The following DUSP15 variants were observed in gnomAD, a reference collection of about 807,000 sequenced individuals.
DUSP15 encodes the protein dual specificity protein phosphatase 15.
DUSP15 carries 23 observed loss-of-function variants against 26.3 expected under a neutral mutation model. The observed-to-expected ratio is 0.87, with a 90% CI of 0.63 to 1.24. The LOEUF (loss-of-function observed/expected upper bound fraction) is 1.24, where lower values mean the gene tolerates loss of function less well. Among genes scored for constraint, DUSP15 ranks in the 50% most tolerant of loss-of-function variants. The probability of loss-of-function intolerance (pLI) is 0.00; values close to 1 mark genes in which losing one functional copy is unlikely to be tolerated. For synonymous variants in DUSP15, 143 were observed against 135.5 expected (o/e 1.06, Z -0.39); for missense variants, 364 against 320.6 (o/e 1.14, Z -1.03).
intron 7 of DUSP15, among the ~76,000 whole-genome samples, chr20:31,850,205 A>G (rs1445314977): frequency 6.6e-6 from 1 of 152,174 alleles, no homozygotes; most frequent in Non-Finnish European, 1.5e-5. Context: ...AAATAACCAT[A>G]ACAGCGACAA....
downstream of DUSP15, chr20:31,845,698 C>T (rs117645329): frequency 3.4e-4 from 286 of 832,286 alleles, 2 homozygotes; most frequent in Non-Finnish European, 4.5e-4. Context: ...AGCCATCCTC[C>T]CCTCCTCCCT....
In DUSP15 at chr20:31,869,602, AG is replaced by A. The variant is rs1467772190; in HGVS notation, c.22-6del. On this transcript the variant is annotated splice_polypyrimidine_tract_variant and splice_region_variant and intron_variant, in intron 1 of 6. Coordinates refer to ENST00000339738, the MANE Select transcript of DUSP15 (RefSeq NM_080611.5). ...GAGGTAGAGTCCAGGAAGTACCTAG[AG>A]GAAGGACAGGCAAGGGTCAGTGGGG... is the stretch of plus-strand genomic sequence containing the variant. 3 of 1,613,622 alleles carry A rather than the reference AG, an allele frequency of 1.9e-6. No individual in the cohort carries two copies. The African/African-American group carries it at 4.0e-5, about 22-fold the overall frequency.
chr20:31,862,212 C>T (rs1460346258), intron 6 of DUSP15, among the ~76,000 whole-genome samples: 1 of 152,104 alleles, frequency 6.6e-6, no homozygotes, highest in Non-Finnish European at 1.5e-5. Flanking sequence ...CTGCTGTGGT[C>T]TCATCAAGGA....
At chr20:31,854,623 C>A (rs1295274118) in intron 6 of DUSP15, among the ~76,000 whole-genome samples, 1 of 151,988 alleles carries the variant, frequency 6.6e-6, no homozygotes, top group East Asian at 1.9e-4. Flanking sequence ...CTTGAAGGGT[C>A]AGTAGGAAGT....
At chr20:31,869,432 C>G (rs1406651900) in intron 2 of DUSP15, 132 bp downstream of exon 2, 1 of 1,262,062 alleles carries the variant, frequency 7.9e-7, no homozygotes, top group African/African-American at 1.5e-5. Context: ...AGCCTTTTCC[C>G]CCTCCCAGCC....
chr20:31,864,025 C>G (rs1038078058), intron 4 of DUSP15, 44 bp from the exon 5 acceptor site: 2 of 1,610,540 alleles, frequency 1.2e-6, no homozygotes, highest in Non-Finnish European at 1.7e-6. Context: ...CAGGGCAGAC[C>G]TCTCAGGAGT....
At chr20:31,865,138 A>G (rs2062740119) in intron 3 of DUSP15, 136 bp from the exon 4 acceptor site, 3 of 920,142 alleles carry the variant, frequency 3.3e-6, no homozygotes, top group African/African-American at 1.6e-5. Context: ...TCTCTGTCCA[A>G]AGAAAGTAGT....
Position 31,861,553 on chromosome 20 carries a change from GGC to G in DUSP15, c.556_557del (p.Ala186ArgfsTer124). ...CCTCGGAGGCTGCTGAGTGCGGCCCGGCGGAGGAGGCCGAGGTCGCGGAGCCC... is the reference window on the plus strand; with the variant it reads ...CCTCGGAGGCTGCTGAGTGCGGCCCGGGAGGAGGCCGAGGTCGCGGAGCCC... ...RQGSATSASS[A>X]GPHSAASEGT... On this transcript the variant is annotated frameshift_variant, in exon 7 of 7. Coordinates refer to ENST00000339738, the MANE Select transcript of DUSP15 (RefSeq NM_080611.5). LOFTEE classifies it high-confidence loss of function. 6.6e-7 allele frequency: 1 copy of G among 1,504,644 alleles called. No individual in the cohort carries two copies. The allele number at this position is 1,504,644 out of a possible 1,614,324, so 93.2% of individuals were successfully genotyped here.
intron 4 of DUSP15, 84 bp downstream of exon 4, chr20:31,864,869 T>C (rs1055317611): frequency 1.1e-4 from 151 of 1,418,676 alleles, no homozygotes; most frequent in Non-Finnish European, 1.4e-4. Context: ...CCTGAGTACT[T>C]TGTCCTCCTT....
rs2062898403 is a variant in DUSP15, at chr20:31,870,465, G to A, written c.-128C>T. On this transcript the variant is annotated 5_prime_UTR_variant, in exon 1 of 7. Coordinates refer to ENST00000339738, the MANE Select transcript of DUSP15 (RefSeq NM_080611.5). The surrounding 1 kb of genome is among the most constrained non-coding windows in gnomAD (Gnocchi z 6.6). ...GGGGAACGGGGGGCCTGGCGTCCGC[G>A]GCCCTGCCCAGCCCTGCCCAGCCAC... is the stretch of plus-strand genomic sequence containing the variant. 1.6e-6 allele frequency: 2 copies of A among 1,285,828 alleles called. No individual in the cohort carries two copies. The highest frequency in any genetic ancestry group is 1.5e-5 in the African/African-American group (1 of 64,588). The allele number at this position is 1,285,828 out of a possible 1,614,324, so 79.7% of individuals were successfully genotyped here.
At chr20:31,849,938 C>A in intron 7 of DUSP15, 2 of 1,414,532 alleles carry the variant, frequency 1.4e-6, no homozygotes, top group Non-Finnish European at 1.8e-6. Flanking sequence ...CGCCTTCTTA[C>A]CCTCCCCTTC....
chr20:31,863,880 C>CTCCGCTT (rs776956854), intron 5 of DUSP15, 27 bp downstream of exon 5: 1 of 1,609,264 alleles, frequency 6.2e-7, no homozygotes, highest in East Asian at 2.2e-5. Context: ...CTTCCTCCCC[C>CTCCGCTT]ACCTTATCCC....
chr20:31,846,287 GACACAGACACAC>G (rs1320689464), downstream of DUSP15, among the ~76,000 whole-genome samples: 199 of 133,590 alleles, frequency 1.5e-3, no homozygotes, highest in African/African-American at 5.8e-3. Context: ...CAGAGACACA[GACACAGACACAC>G]ACACACACAC....
At chr20:31,862,174 C>T (rs2062675146) in intron 6 of DUSP15, among the ~76,000 whole-genome samples, 1 of 152,134 alleles carries the variant, frequency 6.6e-6, no homozygotes, top group Non-Finnish European at 1.5e-5. Flanking sequence ...TTCTACGTAG[C>T]ATCTGCCCGA....
chr20:31,851,250 G>C (rs1311170444), intron 6 of DUSP15, among the ~76,000 whole-genome samples: 1 of 152,044 alleles, frequency 6.6e-6, no homozygotes. Flanking sequence ...GGAGATGAAA[G>C]GTATGCGGGA....
At chr20:31,851,282 G>A (rs1216926682) in intron 6 of DUSP15, among the ~76,000 whole-genome samples, 1 of 152,022 alleles carries the variant, frequency 6.6e-6, no homozygotes. Flanking sequence ...GCTGATGCGG[G>A]GGTGGGGGTG....
chr20:31,861,458 A>T lies in DUSP15; in HGVS notation c.653T>A (p.Val218Asp). ...AHRPLPLLAR[V>D]KQTFSCLPRC... ...GGGGAGGCAAGAGAAAGTCTGCTTG[A>T]CGCGCGCCAGCAGCGGCAGCGGCCG... Residue 218 changes from valine to aspartate, a missense_variant, in exon 7 of 7, where the codon GTC becomes GAC. Coordinates refer to ENST00000339738, the MANE Select transcript of DUSP15 (RefSeq NM_080611.5). The T allele has an allele frequency of 1.3e-6, 2 of 1,545,794 alleles. No homozygotes were observed. The highest frequency in any genetic ancestry group is 1.7e-6 in the Non-Finnish European group (2 of 1,155,558).
At chr20:31,860,655 G>A (rs1052288059), downstream of DUSP15, among the ~76,000 whole-genome samples, 3 of 152,224 alleles carry the variant, frequency 2.0e-5, no homozygotes, top group Non-Finnish European at 2.9e-5. Context: ...TCCTCCCTGA[G>A]GATTAAGTGA....
At chr20:31,850,757 C>T in intron 6 of DUSP15, 1 of 1,456,904 alleles carries the variant, frequency 6.9e-7, no homozygotes, top group South Asian at 1.2e-5. Context: ...AGGGAGGAGG[C>T]AGGGCTGGGT....
Sources: gnomAD v4.1 joint callset for allele counts (sites outside exome capture counted in the v4.1 genomes callset) on GRCh38, gnomAD v4.1.1 for gene constraint, Gnocchi (gnomAD v3.1) non-coding constraint, MANE v1.5 for transcripts, NCBI Gene and HGNC (gene_info 2026-07-23, HGNC 2026-07-21) for gene names.